Variants in CABLES1 observed in about 807,000 individuals in gnomAD.
CABLES1 encodes the protein Cdk5 and Abl enzyme substrate 1.
In CABLES1, 36 loss-of-function variants were observed where a neutral mutation model predicts 57.8. That is an observed-to-expected ratio of 0.62 (90% CI 0.48 to 0.82). The LOEUF (loss-of-function observed/expected upper bound fraction) is 0.82, where lower values mean the gene tolerates loss of function less well. CABLES1 is among the 40% of genes least tolerant of loss of function. CABLES1 has a pLI of 0.00. For missense variants in CABLES1, 767 were observed against 836.6 expected (o/e 0.92, Z 1.03); for synonymous variants, 374 against 363.0 (o/e 1.03, Z -0.35).
chr18:23,196,919 G>C (rs11082322), intron 3 of CABLES1: 22,244 of 152,452 alleles, frequency 0.15, 2,417 homozygotes, highest in Admixed American at 0.26. Context: ...ATCCACGGCT[G>C]ATTTGCTCTT....
At chr18:23,211,698 C>T (rs182568245) in intron 3 of CABLES1, among the ~76,000 whole-genome samples, 1 of 152,386 alleles carries the variant, frequency 6.6e-6, no homozygotes, top group Admixed American at 6.5e-5. Context: ...GTTCCAATCT[C>T]CACCCTGCCC....
intron 1 of CABLES1, among the ~76,000 whole-genome samples, chr18:23,173,716 AT>A (rs2047099962): frequency 6.6e-6 from 1 of 152,220 alleles, no homozygotes; most frequent in Admixed American, 6.5e-5. Flanking sequence ...TAATTCCAGC[AT>A]TCTGGGAGGT....
chr18:23,243,690 T>C (rs1192285765), intron 7 of CABLES1, among the ~76,000 whole-genome samples: 1 of 151,766 alleles, frequency 6.6e-6, no homozygotes, highest in Non-Finnish European at 1.5e-5. Flanking sequence ...CTGGCCAACA[T>C]GGCAAAACCG....
chr18:23,217,826 G>A (rs771170544), intron 4 of CABLES1, among the ~76,000 whole-genome samples: 1 of 152,208 alleles, frequency 6.6e-6, no homozygotes, highest in Admixed American at 6.5e-5. Flanking sequence ...TTGTGACTGG[G>A]ACGTAAGTCA....
At chr18:23,184,233 G>T (rs1221908566) in intron 1 of CABLES1, among the ~76,000 whole-genome samples, 3 of 152,128 alleles carry the variant, frequency 2.0e-5, no homozygotes, top group African/African-American at 7.2e-5. Context: ...GCATTTGGGC[G>T]TGGATTTTTT....
chr18:23,246,497 T>C (rs2047887958), intron 7 of CABLES1, among the ~76,000 whole-genome samples: 1 of 151,882 alleles, frequency 6.6e-6, no homozygotes, highest in Non-Finnish European at 1.5e-5. Flanking sequence ...GTTCACGCCA[T>C]TCTCCTGCGT....
chr18:23,175,581 T>C (rs899982821), intron 1 of CABLES1, among the ~76,000 whole-genome samples: 2 of 152,192 alleles, frequency 1.3e-5, no homozygotes, highest in African/African-American at 4.8e-5. Context: ...TGGGATCAAG[T>C]GATCCTCCTG....
At chr18:23,195,330 C>T (rs113377961) in intron 3 of CABLES1, among the ~76,000 whole-genome samples, 170 of 152,250 alleles carry the variant, frequency 1.1e-3, no homozygotes, top group African/African-American at 3.9e-3. Context: ...GAGTTAGAGA[C>T]GCCATCCAGA....
rs746378598 is a variant in CABLES1 at position 23,257,370 on chromosome 18, C to G, written c.*3C>G. 1.9e-5 allele frequency: 31 copies of G among 1,593,560 alleles called. No homozygotes were observed. The highest frequency in any genetic ancestry group is 2.4e-5 in the Non-Finnish European group (28 of 1,174,088). On this transcript the variant is annotated 3_prime_UTR_variant, in exon 10 of 10. Coordinates refer to ENST00000256925, the MANE Select transcript of CABLES1 (RefSeq NM_001100619.3). ...GACGGCTGGTCCAGAGTTCCTAGCA[C>G]TGGCCCCGAGGACAGCCAAGGGCCA...
At chr18:23,191,152 G>A (rs1446026810) in intron 2 of CABLES1, among the ~76,000 whole-genome samples, 8 of 151,834 alleles carry the variant, frequency 5.3e-5, no homozygotes, top group African/African-American at 1.9e-4. Context: ...TCAGGAGGCT[G>A]AGGCGACAGG....
chr18:23,134,750 C>T (rs2046804933), upstream of CABLES1: 1 of 152,110 alleles, frequency 6.6e-6, no homozygotes, highest in African/African-American at 2.4e-5. Flanking sequence ...TTGCGTTGTC[C>T]TTTGCTAAGA....
chr18:23,231,316 C>A (rs2047565836), intron 4 of CABLES1, among the ~76,000 whole-genome samples: 1 of 152,236 alleles, frequency 6.6e-6, no homozygotes, highest in Non-Finnish European at 1.5e-5. Flanking sequence ...TTCAGTTTCT[C>A]AGTCAACTGT....
chr18:23,143,877 C>T (rs1050534488), intron 1 of CABLES1, among the ~76,000 whole-genome samples: 1 of 152,222 alleles, frequency 6.6e-6, no homozygotes, highest in Non-Finnish European at 1.5e-5. Context: ...ACATCTGATC[C>T]TGCCAGTCTT....
intron 7 of CABLES1, among the ~76,000 whole-genome samples, chr18:23,243,733 G>A (rs892413562): frequency 6.6e-6 from 1 of 151,882 alleles, no homozygotes; most frequent in African/African-American, 2.4e-5. Context: ...TTAGCCAGGT[G>A]TGGTGGCAGG....
intron 4 of CABLES1, among the ~76,000 whole-genome samples, chr18:23,221,684 A>G (rs1568074045): frequency 6.6e-6 from 1 of 152,190 alleles, no homozygotes. Context: ...TGATCTCCCC[A>G]GGTGTTACTT....
At chr18:23,188,327 A>C (rs1020977313) in intron 1 of CABLES1, among the ~76,000 whole-genome samples, 3 of 152,174 alleles carry the variant, frequency 2.0e-5, no homozygotes, top group African/African-American at 7.2e-5. Context: ...TCTTGTTCCT[A>C]GTTGCTTTTG....
rs574785650 is a variant in CABLES1 at position 23,224,278 on chromosome 18, T to C, written c.1088+10224T>C. ...CCTGCCATCCACCTCCTTTGGTGCC[T>C]CCATTAGGAAAACCACAGCCCTTAC... On this transcript the variant is annotated intron_variant, in intron 4 of 9. Coordinates refer to ENST00000256925, the MANE Select transcript of CABLES1 (RefSeq NM_001100619.3). Among the ~76,000 whole-genome samples the C allele has an allele frequency of 5.9e-5, 9 of 152,098 alleles. No homozygotes were observed. The South Asian group carries it at 1.9e-3, about 32-fold the overall frequency.
At chr18:23,226,641 C>T (rs1217240181) in intron 4 of CABLES1, among the ~76,000 whole-genome samples, 2 of 152,152 alleles carry the variant, frequency 1.3e-5, no homozygotes, top group Non-Finnish European at 2.9e-5. Context: ...AACTTGCCAG[C>T]CCAGGAGCTT....
intron 7 of CABLES1, among the ~76,000 whole-genome samples, chr18:23,246,254 A>G (rs2047876688): frequency 6.8e-6 from 1 of 146,212 alleles, no homozygotes; most frequent in Non-Finnish European, 1.5e-5. Flanking sequence ...TGACAGAGTG[A>G]GACTCCATCT....
Sources: gnomAD v4.1 joint callset for allele counts (sites outside exome capture counted in the v4.1 genomes callset) on GRCh38, gnomAD v4.1.1 for gene constraint, MANE v1.5 for transcripts, NCBI Gene and HGNC (gene_info 2026-07-23, HGNC 2026-07-21) for gene names.